NAV3: variants seen among roughly 807,000 people sequenced by gnomAD.
The protein encoded by NAV3 is pore membrane and/or filament interacting like protein 1.
A neutral mutation model predicts 244.7 loss-of-function variants in NAV3; 87 were observed. The observed-to-expected ratio is 0.36, with a 90% CI of 0.30 to 0.42. The LOEUF (loss-of-function observed/expected upper bound fraction) is 0.42. NAV3 is among the 20% of genes least tolerant of loss of function. NAV3 has a pLI of 1.00. For synonymous variants in NAV3, 1,126 were observed against 1,042.2 expected (o/e 1.08, Z -1.55); for missense variants, 2,663 against 2,893.3 (o/e 0.92, Z 1.83).
intron 1 of NAV3, among the ~76,000 whole-genome samples, chr12:77,908,124 G>A (rs1886190455): frequency 6.6e-6 from 1 of 152,030 alleles, no homozygotes; most frequent in Admixed American, 6.6e-5. Flanking sequence ...AACATAATGA[G>A]CTGTTGTATG....
intron 1 of NAV3, among the ~76,000 whole-genome samples, chr12:77,915,266 C>T (rs716482): frequency 0.11 from 16,767 of 151,976 alleles, 1,060 homozygotes; most frequent in South Asian, 0.2. Context: ...AATTTCACAT[C>T]ACATGCTATG....
chr12:77,750,454 G>A (rs577825307), intron 2 of NAV3, among the ~76,000 whole-genome samples: 1 of 152,064 alleles, frequency 6.6e-6, no homozygotes, highest in African/African-American at 2.4e-5. Context: ...ATTGTTTGAG[G>A]TCAGGAGTTT....
chr12:77,789,015 G>A (rs1871039071), intron 2 of NAV3, among the ~76,000 whole-genome samples: 1 of 152,116 alleles, frequency 6.6e-6, no homozygotes, highest in Non-Finnish European at 1.5e-5. Flanking sequence ...CATTAACAAA[G>A]TCAGCCTACT....
intron 2 of NAV3, among the ~76,000 whole-genome samples, chr12:77,732,686 A>G (rs549233035): frequency 1.3e-5 from 2 of 152,054 alleles, no homozygotes; most frequent in African/African-American, 4.8e-5. Context: ...AATGAGGCAC[A>G]TATAGTTTAA....
chr12:77,702,674 G>A (rs1592597902), intron 2 of NAV3, among the ~76,000 whole-genome samples: 1 of 151,842 alleles, frequency 6.6e-6, no homozygotes, highest in Non-Finnish European at 1.5e-5. Flanking sequence ...CACATGAAAT[G>A]TAAGAAACAA....
intron 12 of NAV3, among the ~76,000 whole-genome samples, chr12:78,101,096 C>T (rs1043752963): frequency 1.3e-5 from 2 of 152,146 alleles, no homozygotes; most frequent in African/African-American, 4.8e-5. Context: ...CAGGTAATGA[C>T]TATAGTTTGT....
chr12:78,209,229 G>C (rs1960644392), intron 39 of NAV3, among the ~76,000 whole-genome samples: 1 of 152,054 alleles, frequency 6.6e-6, no homozygotes, highest in African/African-American at 2.4e-5. Context: ...GTGATTACCA[G>C]TTTATCATTT....
Position 78,127,201 on chromosome 12 carries a change from G to C in NAV3, c.4273G>C (p.Gly1425Arg), listed in dbSNP as rs372546834. 1.1e-5 allele frequency: 17 copies of C among 1,613,190 alleles called. No individual in the cohort carries two copies. Among genetic ancestry groups the C allele is most frequent in the African/African-American group, 6.7e-5 (5 of 74,848 alleles). The change falls in exon 17 of 40, where the codon GGA (glycine) becomes CGA (arginine). Residue 1425 changes from glycine (G) to arginine (R), a missense_variant. This residue lies in a region of NAV3 where 354 missense variants were observed against 413.0 expected (regional missense o/e 0.86). Coordinates refer to ENST00000397909, the MANE Select transcript of NAV3 (RefSeq NM_001024383.2). ...QLDRNTLPKK[G>R]LRYTPSSRQA... ...TGACAGAAATACACTACCCAAAAAG[G>C]GACTAAGGTATATATTCCTCTCAGC...
intron 12 of NAV3, among the ~76,000 whole-genome samples, chr12:78,084,213 C>T (rs1953506954): frequency 6.6e-6 from 1 of 152,188 alleles, no homozygotes; most frequent in Non-Finnish European, 1.5e-5. Context: ...TTCCCTTTCT[C>T]AGTTAGCATG....
intron 2 of NAV3, among the ~76,000 whole-genome samples, chr12:77,722,441 T>G (rs1876680974): frequency 1.3e-5 from 2 of 152,130 alleles, no homozygotes; most frequent in African/African-American, 4.8e-5. Context: ...TTCAGCTTTT[T>G]GATACTTAAG....
chr12:77,796,397 A>G (rs1280702671), intron 2 of NAV3, among the ~76,000 whole-genome samples: 5 of 152,200 alleles, frequency 3.3e-5, no homozygotes, highest in Non-Finnish European at 5.9e-5. Context: ...TAAAACATAA[A>G]CAGATAAGGA....
chr12:77,835,733 C>T (rs1592736729), intron 1 of NAV3, among the ~76,000 whole-genome samples: 4 of 152,310 alleles, frequency 2.6e-5, no homozygotes, highest in South Asian at 4.1e-4. Context: ...CTGTGTCTCT[C>T]TACCCACATC....
At chr12:77,832,997 C>A (rs751299926) in intron 1 of NAV3, among the ~76,000 whole-genome samples, 4 of 152,094 alleles carry the variant, frequency 2.6e-5, no homozygotes, top group Non-Finnish European at 2.9e-5. Context: ...AAAAAGAAAG[C>A]CACTCCTTTT....
At chr12:77,598,302 C>A (rs1287832436) in intron 2 of NAV3, among the ~76,000 whole-genome samples, 1 of 151,956 alleles carries the variant, frequency 6.6e-6, no homozygotes, top group Non-Finnish European at 1.5e-5. Context: ...GGATGTATCC[C>A]AATCTATTGA....
chr12:78,118,416 A>C lies in NAV3; in HGVS notation c.3040+119A>C. On this transcript the variant is annotated intron_variant, in intron 14 of 39. Transcript: ENST00000397909. Reference sequence around the variant, plus strand: ...TACCAAATTCTTATCCATATTAAACATGGAGTCAAATAGTTAAATAGTTTT... The same window carrying C: ...TACCAAATTCTTATCCATATTAAACCTGGAGTCAAATAGTTAAATAGTTTT... 5 of 1,290,592 alleles carry C rather than the reference A, an allele frequency of 3.9e-6. No individual in the cohort carries two copies. In the South Asian group the frequency reaches 6.4e-5, roughly 16 times the overall value. The allele number at this position is 1,290,592 out of a possible 1,614,324, so 79.9% of individuals were successfully genotyped here.
intron 12 of NAV3, among the ~76,000 whole-genome samples, chr12:78,108,661 G>A (rs757289694): frequency 6.6e-6 from 1 of 152,032 alleles, no homozygotes; most frequent in Non-Finnish European, 1.5e-5. Flanking sequence ...AATAACGTTG[G>A]AAACTATACA....
At chr12:77,967,710 T>C (rs1892640458) in intron 4 of NAV3, among the ~76,000 whole-genome samples, 1 of 152,132 alleles carries the variant, frequency 6.6e-6, no homozygotes, top group Non-Finnish European at 1.5e-5. Context: ...GAGAAAAATG[T>C]AGGCTTATGT....
rs961207280 is a variant in NAV3, at chr12:77,677,435, G to A, written c.72+105169G>A. On this transcript the variant is annotated intron_variant, in intron 2 of 8. Transcript: ENST00000550042. ...GCACTTGGTTTAATGCCCGGTTGTT[G>A]TTGCCATCTTAAAATTCTTAATTTT... Among the ~76,000 whole-genome samples, 38 of 152,186 alleles carry A rather than the reference G, an allele frequency of 2.5e-4. 1 individual carries two copies. Among genetic ancestry groups the A allele is most frequent in the African/African-American group, 8.9e-4 (37 of 41,442 alleles).
intron 2 of NAV3, among the ~76,000 whole-genome samples, chr12:77,787,396 T>C (rs923557118): frequency 6.6e-6 from 1 of 152,140 alleles, no homozygotes; most frequent in Non-Finnish European, 1.5e-5. Context: ...AACTGGGTAA[T>C]TTATAAAGGA....
Sources: gnomAD v4.1 joint callset for allele counts (sites outside exome capture counted in the v4.1 genomes callset) on GRCh38, gnomAD v4.1.1 for gene constraint, gnomAD v4.1.1 regional missense constraint, MANE v1.5 for transcripts, NCBI Gene and HGNC (gene_info 2026-07-23, HGNC 2026-07-21) for gene names.